GTF2H5: variants seen among roughly 807,000 people sequenced by gnomAD.
The protein encoded by GTF2H5 is general transcription factor IIH subunit 5.
A neutral mutation model predicts 7.1 loss-of-function variants in GTF2H5; 5 were observed. The ratio of observed to expected loss-of-function variants is 0.71; its 90% CI spans 0.37 to 1.49. The LOEUF (loss-of-function observed/expected upper bound fraction) is 1.49, where lower values mean the gene tolerates loss of function less well. Among genes scored for constraint, GTF2H5 ranks in the 40% most tolerant of loss-of-function variants. GTF2H5 has a pLI of 0.03. For synonymous variants in GTF2H5, 30 were observed against 31.7 expected (o/e 0.95, Z 0.18); for missense variants, 80 against 83.0 (o/e 0.96, Z 0.14).
intron 2 of GTF2H5, among the ~76,000 whole-genome samples, chr6:158,189,659 G>T (rs965205715): frequency 6.6e-6 from 1 of 152,166 alleles, no homozygotes; most frequent in African/African-American, 2.4e-5. Context: ...CCTATGGTCT[G>T]TTGATATTCC....
intron 2 of GTF2H5, among the ~76,000 whole-genome samples, chr6:158,191,530 T>C (rs1253473380): frequency 6.6e-6 from 1 of 151,462 alleles, no homozygotes; most frequent in Admixed American, 6.6e-5. Flanking sequence ...TCGCCCAGGC[T>C]GGAGTGCAGT....
intron 2 of GTF2H5, among the ~76,000 whole-genome samples, 168 bp downstream of exon 2, chr6:158,170,706 G>T (rs866224183): frequency 5.9e-5 from 9 of 152,284 alleles, no homozygotes; most frequent in African/African-American, 2.2e-4. Context: ...CCAGATTTCA[G>T]TCCCTCTGTT....
At position 158,169,765 on chromosome 6, in the gene GTF2H5, TATATATA is replaced by T. The variant is rs200746782; in HGVS notation, c.-34-698_-34-692del. ...ATATATTATATAATATATTGTATATTATATATAATATATTGTATATTATATATTATAT... is the reference window on the plus strand; with the variant it reads ...ATATATTATATAATATATTGTATATTATATATTGTATATTATATATTATAT... On this transcript the variant is annotated intron_variant, in intron 1 of 2. Transcript: ENST00000607778. Among the ~76,000 whole-genome samples, 31 of 84,474 alleles carry T rather than the reference TATATATA, an allele frequency of 3.7e-4. 1 individual carries two copies. In the Admixed American group the frequency reaches 4.3e-3, roughly 12 times the overall value. The allele number at this position is 84,474 out of a possible 152,430, so 55.4% of individuals were successfully genotyped here.
Position 158,192,298 on chromosome 6 carries a change from G to T in GTF2H5, c.*141G>T. ...AAAGACTGAGGGATCATGATCATTTGTTCAGAAAAAAAGCCCCTGAACTGA... is the reference window on the plus strand; with the variant it reads ...AAAGACTGAGGGATCATGATCATTTTTTCAGAAAAAAAGCCCCTGAACTGA... On this transcript the variant is annotated 3_prime_UTR_variant, in exon 3 of 3. Transcript: ENST00000607778. 3.1e-6 allele frequency: 2 copies of T among 654,300 alleles called. No individual in the cohort carries two copies. The highest frequency in any genetic ancestry group is 5.4e-6 in the Non-Finnish European group (2 of 371,312). The allele number at this position is 654,300 out of a possible 1,614,324, so 40.5% of individuals were successfully genotyped here. A position where few individuals can be genotyped will look rare whatever the true frequency, so the allele number is the denominator to read the frequency against.
In GTF2H5 at chr6:158,194,050, T is replaced by C. The variant is rs2128432574; in HGVS notation, c.*1893T>C. 6.6e-6 allele frequency: 1 copy of C among 151,730 alleles called. No individual in the cohort carries two copies. The highest frequency in any genetic ancestry group is 2.1e-4 in the South Asian group (1 of 4,822). The allele number at this position is 151,730 out of a possible 1,614,324, so 9.4% of individuals were successfully genotyped here. ...ACCAAAATGTTACTAATGTATCTTA[T>C]ATTTCAGGCATGTCTAAATCAACTT... On this transcript the variant is annotated 3_prime_UTR_variant, in exon 3 of 3. Coordinates refer to ENST00000607778, the MANE Select transcript of GTF2H5 (RefSeq NM_207118.3).
intron 2 of GTF2H5, among the ~76,000 whole-genome samples, chr6:158,172,594 AGCCTAGCTTCTTTT>A (rs937293516): frequency 1.3e-5 from 2 of 152,102 alleles, no homozygotes; most frequent in African/African-American, 4.8e-5. Context: ...CACTGCACCC[AGCCTAGCTTCTTTT>A]TTGTTTTGGG....
intron 2 of GTF2H5, 117 bp from the exon 3 acceptor site, chr6:158,191,860 A>G (rs2128432138): frequency 1.3e-6 from 1 of 780,370 alleles, no homozygotes; most frequent in South Asian, 1.5e-5. Flanking sequence ...TGAGGGATTG[A>G]GTAACAGAAC....
At chr6:158,179,896 G>T (rs1351458569) in intron 2 of GTF2H5, among the ~76,000 whole-genome samples, 1 of 152,130 alleles carries the variant, frequency 6.6e-6, no homozygotes, top group African/African-American at 2.4e-5. Context: ...TGGTGAGAGA[G>T]GGCATCCTTG....
chr6:158,185,992 C>T (rs1255086860), intron 2 of GTF2H5, among the ~76,000 whole-genome samples: 1 of 150,940 alleles, frequency 6.6e-6, no homozygotes, highest in Non-Finnish European at 1.5e-5. Context: ...GACTCTGTCT[C>T]AAAAAAAATA....
chr6:158,173,677 C>T (rs749940965), intron 2 of GTF2H5, among the ~76,000 whole-genome samples: 3 of 152,012 alleles, frequency 2.0e-5, no homozygotes, highest in Non-Finnish European at 4.4e-5. Flanking sequence ...GCCCTGGAAG[C>T]CAAGTTGGTT....
chr6:158,189,299 C>T (rs1776981971), intron 2 of GTF2H5, among the ~76,000 whole-genome samples: 1 of 152,160 alleles, frequency 6.6e-6, no homozygotes, highest in Non-Finnish European at 1.5e-5. Flanking sequence ...GGACTACCCA[C>T]CAACCCTCCT....
chr6:158,186,960 T>TTTTTG (rs927606789), intron 2 of GTF2H5, among the ~76,000 whole-genome samples: 1 of 151,966 alleles, frequency 6.6e-6, no homozygotes, highest in African/African-American at 2.4e-5. Flanking sequence ...TTCAGAGTTG[T>TTTTTG]TTTTGTTTTG....
rs1174337591 is a variant in GTF2H5 at position 158,192,304 on chromosome 6, A to C, written c.*147A>C. The stretch of plus-strand genomic sequence containing the variant: ...TGAGGGATCATGATCATTTGTTCAG[A>C]AAAAAAGCCCCTGAACTGATTTTGT... On this transcript the variant is annotated 3_prime_UTR_variant, in exon 3 of 3. Transcript: ENST00000607778. 1.5e-6 allele frequency: 1 copy of C among 653,284 alleles called. No homozygotes were observed. Among genetic ancestry groups the C allele is most frequent in the Non-Finnish European group, 2.7e-6 (1 of 369,400 alleles). The allele number at this position is 653,284 out of a possible 1,614,324, so 40.5% of individuals were successfully genotyped here. A position where few individuals can be genotyped will look rare whatever the true frequency, so the allele number is the denominator to read the frequency against.
chr6:158,169,462 TTATATTG>T lies in GTF2H5; in HGVS notation c.-34-1001_-34-995del, dbSNP rs1241762930. Among the ~76,000 whole-genome samples the T allele has an allele frequency of 4.7e-4, 33 of 69,846 alleles. 1 individual carries two copies. In the East Asian group the frequency reaches 0.013, roughly 28 times the overall value. The allele number at this position is 69,846 out of a possible 152,430, so 45.8% of individuals were successfully genotyped here. ...TTATATATATTATATATTATATATATTATATTGTATATTATATATAATATATTGTATA... is the reference window on the plus strand; with the variant it reads ...TTATATATATTATATATTATATATATTATATTATATATAATATATTGTATA... On this transcript the variant is annotated intron_variant, in intron 1 of 2. Transcript: ENST00000607778.
Position 158,170,506 on chromosome 6 carries a change from GGT to G in GTF2H5, c.4_5del (p.Val2GlnfsTer11), listed in dbSNP as rs778441380. 9 of 1,609,276 alleles carry G rather than the reference GGT, an allele frequency of 5.6e-6. No homozygotes were observed. The highest frequency in any genetic ancestry group is 7.7e-6 in the Non-Finnish European group (9 of 1,175,614). On this transcript the variant is annotated frameshift_variant, in exon 2 of 3. Transcript: ENST00000607778. LOFTEE classifies it high-confidence loss of function. The part of the protein sequence containing the change: M[V>X]NVLKGVLIEC... ...TCATCTGAACCTTCTGAGAAAACATGGTCAACGTCTTGAAAGGAGTGCTTATA... is the reference window on the plus strand; with the variant it reads ...TCATCTGAACCTTCTGAGAAAACATGCAACGTCTTGAAAGGAGTGCTTATA...
intron 1 of GTF2H5, among the ~76,000 whole-genome samples, chr6:158,169,693 T>TTATATAATATATTGTATATTATATAA (rs1785791310): frequency 6.0e-5 from 4 of 66,148 alleles, no homozygotes; most frequent in African/African-American, 2.2e-4. Context: ...ATAATATATA[T>TTATATAATATATTGTATATTATATAA]TATATAATAT....
chr6:158,174,135 T>C (rs1016239692), intron 2 of GTF2H5, among the ~76,000 whole-genome samples: 1 of 152,200 alleles, frequency 6.6e-6, no homozygotes, highest in Non-Finnish European at 1.5e-5. Context: ...ACCTGTTGTT[T>C]ACTGTCTCTC....
chr6:158,185,568 C>T (rs1047667805), intron 2 of GTF2H5, among the ~76,000 whole-genome samples: 7 of 150,030 alleles, frequency 4.7e-5, no homozygotes, highest in East Asian at 1.9e-4. Context: ...AAGTTTGAAG[C>T]GATTGATATT....
At chr6:158,190,614 C>A in intron 2 of GTF2H5, 1 of 475,606 alleles carries the variant, frequency 2.1e-6, no homozygotes, top group Non-Finnish European at 4.2e-6. Context: ...GGCTCATACT[C>A]ATCTAGGGAT....
Sources: gnomAD v4.1 joint callset for allele counts (sites outside exome capture counted in the v4.1 genomes callset) on GRCh38, gnomAD v4.1.1 for gene constraint, MANE v1.5 for transcripts, NCBI Gene and HGNC (gene_info 2026-07-23, HGNC 2026-07-21) for gene names.